Variants in EFCAB6 observed in about 807,000 individuals in gnomAD.
EFCAB6 encodes EF-hand calcium-binding domain-containing protein 6.
A neutral mutation model predicts 169.8 loss-of-function variants in EFCAB6; 156 were observed. The ratio of observed to expected loss-of-function variants is 0.92; its 90% CI spans 0.81 to 1.05. EFCAB6 has a LOEUF of 1.05. Among genes scored for constraint, EFCAB6 ranks in the 50% least tolerant of loss-of-function variants. EFCAB6 has a pLI of 0.00. For synonymous variants in EFCAB6, 698 were observed against 676.4 expected (o/e 1.03, Z -0.50); for missense variants, 1,800 against 1,829.1 (o/e 0.98, Z 0.29).
intron 23 of EFCAB6, among the ~76,000 whole-genome samples, chr22:43,592,300 C>G (rs1285428174): frequency 2.6e-5 from 4 of 152,156 alleles, no homozygotes; most frequent in Non-Finnish European, 5.9e-5. Context: ...GCAGGAACCG[C>G]TCTGTGCATG....
chr22:43,636,205 G>T (rs147916007), intron 17 of EFCAB6, among the ~76,000 whole-genome samples: 1 of 152,188 alleles, frequency 6.6e-6, no homozygotes, highest in Non-Finnish European at 1.5e-5. Context: ...AAGAAAGTGT[G>T]TTGAGGGGTG....
chr22:43,593,648 C>T (rs1210855663), intron 23 of EFCAB6, among the ~76,000 whole-genome samples: 3 of 152,224 alleles, frequency 2.0e-5, no homozygotes, highest in African/African-American at 7.2e-5. Context: ...TCGAACTGCT[C>T]TTCTCTGAAA....
intron 20 of EFCAB6, among the ~76,000 whole-genome samples, chr22:43,623,176 CAGTT>C (rs1290747724): frequency 1.3e-5 from 2 of 152,168 alleles, no homozygotes; most frequent in African/African-American, 2.4e-5. Context: ...TATTTTCATT[CAGTT>C]AGTCATCCAA....
chr22:43,658,262 A>G (rs78591273), intron 17 of EFCAB6, among the ~76,000 whole-genome samples: 12,590 of 152,132 alleles, frequency 0.083, 645 homozygotes, highest in South Asian at 0.16. Context: ...AATAAAATAA[A>G]ACAAAAGGCA....
At chr22:43,769,044 T>G (rs1043739730) in intron 4 of EFCAB6, among the ~76,000 whole-genome samples, 2 of 152,166 alleles carry the variant, frequency 1.3e-5, no homozygotes, top group Non-Finnish European at 2.9e-5. Context: ...ACCTTTCACA[T>G]GAATGTTCAC....
chr22:43,738,070 TCA>T (rs374868374), intron 6 of EFCAB6, among the ~76,000 whole-genome samples: 84 of 112,534 alleles, frequency 7.5e-4, no homozygotes, highest in African/African-American at 2.9e-3. Flanking sequence ...TCAAATATAT[TCA>T]CACACACATA....
At chr22:43,778,557 C>A (rs1448102337) in intron 3 of EFCAB6, among the ~76,000 whole-genome samples, 1 of 152,140 alleles carries the variant, frequency 6.6e-6, no homozygotes, top group Non-Finnish European at 1.5e-5. Flanking sequence ...AACAAAGAGG[C>A]CTCCCATGAA....
intron 17 of EFCAB6, among the ~76,000 whole-genome samples, chr22:43,651,657 ACACT>A (rs1157957096): frequency 1.3e-5 from 2 of 152,224 alleles, no homozygotes; most frequent in African/African-American, 4.8e-5. Context: ...AAAGCTGCAG[ACACT>A]CAATGTCAGC....
In EFCAB6 at chr22:43,532,373, G is replaced by A. The variant is rs900553317; in HGVS notation, c.4234-1409C>T. ...CTGGTGTGCTCTTCCGCAGAAGCCC[G>A]TGCACGTCCTAGCAAGGTCTTAGAG... On this transcript the variant is annotated intron_variant, in intron 30 of 31. Coordinates refer to ENST00000262726, the MANE Select transcript of EFCAB6 (RefSeq NM_022785.4). Among the ~76,000 whole-genome samples the A allele has an allele frequency of 2.6e-5, 4 of 152,118 alleles. No homozygotes were observed. The East Asian group carries it at 5.8e-4, about 22-fold the overall frequency.
Position 43,765,410 on chromosome 22 carries a change from A to T in EFCAB6, c.352-17T>A, listed in dbSNP as rs566601461. The T allele has an allele frequency of 1.9e-6, 3 of 1,589,092 alleles. No individual in the cohort carries two copies. Among genetic ancestry groups the T allele is most frequent in the South Asian group, 2.2e-5 (2 of 90,274 alleles). On this transcript the variant is annotated splice_polypyrimidine_tract_variant and intron_variant, in intron 4 of 31. Coordinates refer to ENST00000262726, the MANE Select transcript of EFCAB6 (RefSeq NM_022785.4). ...AAGGGGGATCTACAGTCAAGGGAGA[A>T]GAATGACAACATGTTAGAGAATTAA...
At chr22:43,710,049 G>A (rs2059105608) in intron 10 of EFCAB6, among the ~76,000 whole-genome samples, 1 of 152,156 alleles carries the variant, frequency 6.6e-6, no homozygotes. Flanking sequence ...ATTACCCACA[G>A]TTTGACAGGA....
chr22:43,621,089 AT>A (rs3072756), intron 20 of EFCAB6, among the ~76,000 whole-genome samples: 3,978 of 141,582 alleles, frequency 0.028, 106 homozygotes, highest in African/African-American at 0.088. Flanking sequence ...ACACTATGCA[AT>A]TTTTTTTTTT....
intron 3 of EFCAB6, among the ~76,000 whole-genome samples, chr22:43,776,142 T>G (rs1365971540): frequency 6.6e-6 from 1 of 152,212 alleles, no homozygotes; most frequent in Non-Finnish European, 1.5e-5. Context: ...CATCTGAAAG[T>G]TGAATACATG....
intron 6 of EFCAB6, among the ~76,000 whole-genome samples, chr22:43,751,342 C>T (rs548403337): frequency 2.0e-5 from 3 of 152,348 alleles, no homozygotes; most frequent in African/African-American, 7.2e-5. Flanking sequence ...ATGGGATTTT[C>T]TTCCTGTCTT....
At position 43,719,191 on chromosome 22, in the gene EFCAB6, G is replaced by A. The variant is rs376093930; in HGVS notation, c.758-2219C>T. 1.4e-3 allele frequency among the ~76,000 whole-genome samples: 218 copies of A among 152,302 alleles called. 6 individuals are homozygous for A. The South Asian group carries it at 0.043, about 30-fold the overall frequency. ...CAGGCTGGCTGACAGCACTCGGTACGGTGTATTCAGTGACGCCTCTCTCAC... is the reference window on the plus strand; with the variant it reads ...CAGGCTGGCTGACAGCACTCGGTACAGTGTATTCAGTGACGCCTCTCTCAC... On this transcript the variant is annotated intron_variant, in intron 8 of 31. Transcript: ENST00000262726.
chr22:43,643,828 CTTTT>C (rs928737372), intron 17 of EFCAB6, among the ~76,000 whole-genome samples: 1 of 146,010 alleles, frequency 6.8e-6, no homozygotes, highest in Non-Finnish European at 1.5e-5. Flanking sequence ...AGCATTTGTT[CTTTT>C]TTTTTTTTTG....
intron 27 of EFCAB6, 152 bp downstream of exon 27, chr22:43,554,717 T>G: frequency 6.0e-6 from 4 of 664,714 alleles, no homozygotes; most frequent in Non-Finnish European, 1.0e-5. Context: ...AGAAGATTCC[T>G]GTGAATCTTC....
At position 43,576,297 on chromosome 22, in the gene EFCAB6, C is replaced by A. The variant is rs1447249460; in HGVS notation, c.3420G>T (p.Glu1140Asp). Residue 1140 changes from glutamate to aspartate, a missense_variant and splice_region_variant, in exon 26 of 32, where the codon GAG becomes GAT. Coordinates refer to ENST00000262726, the MANE Select transcript of EFCAB6 (RefSeq NM_022785.4). ...GCTTATGTGCTGCAGACATTCTTAC[C>A]TCCTCAAGGAAACAGCTAAAGTTCT... ...FLQNFSCFLEETADEWAEKMP... is the reference protein window; with the variant it reads ...FLQNFSCFLEDTADEWAEKMP... 1.3e-6 allele frequency: 2 copies of A among 1,575,364 alleles called. No homozygotes were observed. The highest frequency in any genetic ancestry group is 2.1e-5 in the Admixed American group (1 of 48,252).
intron 25 of EFCAB6, among the ~76,000 whole-genome samples, chr22:43,578,538 C>T (rs1485683728): frequency 1.3e-5 from 2 of 152,056 alleles, no homozygotes; most frequent in Non-Finnish European, 2.9e-5. Context: ...CAGAAGCTCA[C>T]CTGGGAGCAC....
Sources: gnomAD v4.1 joint callset for allele counts (sites outside exome capture counted in the v4.1 genomes callset) on GRCh38, gnomAD v4.1.1 for gene constraint, MANE v1.5 for transcripts, NCBI Gene and HGNC (gene_info 2026-07-23, HGNC 2026-07-21) for gene names.